The following TMEM178B variants were observed in gnomAD, a reference collection of about 807,000 sequenced individuals.
TMEM178B encodes the protein transmembrane protein 178B.
A neutral mutation model predicts 31.0 loss-of-function variants in TMEM178B; 5 were observed. The observed-to-expected ratio is 0.16, with a 90% CI of 0.08 to 0.34. The LOEUF is 0.34. Among genes scored for constraint, TMEM178B ranks in the 10% least tolerant of loss-of-function variants. TMEM178B has a pLI of 1.00. For missense variants in TMEM178B, 275 were observed against 400.3 expected (o/e 0.69, Z 2.67); for synonymous variants, 164 against 164.0 (o/e 1.00, Z 0.00).
At chr7:141,144,598 G>A (rs1795822653) in intron 1 of TMEM178B, among the ~76,000 whole-genome samples, 1 of 152,206 alleles carries the variant, frequency 6.6e-6, no homozygotes, top group Non-Finnish European at 1.5e-5. Flanking sequence ...GGAGGCCTGA[G>A]CACTGGGGGT....
the TMEM178B span, among the ~76,000 whole-genome samples, chr7:141,509,525 C>T: frequency 6.6e-6 from 1 of 152,142 alleles, no homozygotes; most frequent in Non-Finnish European, 1.5e-5. Flanking sequence ...TGGCGGGCGC[C>T]TGTAATCCCA....
chr7:141,145,730 T>C (rs1795840244), intron 1 of TMEM178B, among the ~76,000 whole-genome samples: 2 of 152,210 alleles, frequency 1.3e-5, no homozygotes. Flanking sequence ...TAGGCCCCCT[T>C]AATGCTGATG....
intron 2 of TMEM178B, among the ~76,000 whole-genome samples, chr7:141,383,633 GT>G (rs1800372022): frequency 1.3e-5 from 2 of 152,132 alleles, no homozygotes; most frequent in South Asian, 4.1e-4. Context: ...GGACATTTGG[GT>G]TGGTTCCAAG....
At chr7:141,215,339 T>TATTATTATTA (rs1554463528) in intron 2 of TMEM178B, among the ~76,000 whole-genome samples, 1 of 148,042 alleles carries the variant, frequency 6.8e-6, no homozygotes, top group East Asian at 2.0e-4. Context: ...TTATTATTAT[T>TATTATTATTA]TTTTGAGATG....
At chr7:141,488,303 A>G in the TMEM178B span, among the ~76,000 whole-genome samples, 1 of 152,244 alleles carries the variant, frequency 6.6e-6, no homozygotes, top group East Asian at 1.9e-4. Context: ...TAACTTTCAA[A>G]TGCTGAAGGA....
chr7:141,457,142 T>G (rs1406474235), intron 3 of TMEM178B, among the ~76,000 whole-genome samples: 1 of 152,096 alleles, frequency 6.6e-6, no homozygotes, highest in African/African-American at 2.4e-5. Flanking sequence ...AGAGGTTACT[T>G]CCCCTGGAGG....
At chr7:141,427,295 C>T (rs1324080458) in intron 2 of TMEM178B, among the ~76,000 whole-genome samples, 1 of 152,104 alleles carries the variant, frequency 6.6e-6, no homozygotes, top group African/African-American at 2.4e-5. Flanking sequence ...AGATGTCATA[C>T]TTCCTGAATT....
chr7:141,133,671 A>G (rs981751296), intron 1 of TMEM178B, among the ~76,000 whole-genome samples: 19 of 152,214 alleles, frequency 1.2e-4, no homozygotes, highest in African/African-American at 4.1e-4. Flanking sequence ...CCATTTAACA[A>G]AATAATAGCT....
chr7:141,287,677 T>A (rs1329113687), intron 2 of TMEM178B, among the ~76,000 whole-genome samples: 1 of 152,192 alleles, frequency 6.6e-6, no homozygotes, highest in African/African-American at 2.4e-5. Context: ...CCTTTTCAGG[T>A]CTCTGGCATC....
intron 2 of TMEM178B, among the ~76,000 whole-genome samples, chr7:141,327,825 G>T (rs909874228): frequency 5.9e-5 from 9 of 152,126 alleles, no homozygotes; most frequent in African/African-American, 2.2e-4. Flanking sequence ...TATTAAAGTT[G>T]CATTATAGTT....
chr7:141,150,066 G>C lies in TMEM178B; in HGVS notation c.383-62525G>C, dbSNP rs372351767. 7.2e-4 allele frequency among the ~76,000 whole-genome samples: 109 copies of C among 152,258 alleles called. 2 individuals carry two copies. The South Asian group carries it at 0.019, about 27-fold the overall frequency. On this transcript the variant is annotated intron_variant, in intron 1 of 3. Transcript: ENST00000565468. ...TGGCCTGAGCACTCGAGTGGCTGAG[G>C]AGTCTCTTTAGCGGGGTTGGAAAGA...
Position 141,171,061 on chromosome 7 carries a change from CACA to C in TMEM178B, c.383-41529_383-41527del, listed in dbSNP as rs1308618658. The stretch of plus-strand genomic sequence containing the variant: ...ACACACACACACACACACACACACA[CACA>C]CCCTAAATATAAATTAAAATAAATA... On this transcript the variant is annotated intron_variant, in intron 1 of 3. Transcript: ENST00000565468. The surrounding 1 kb of genome is among the most constrained non-coding windows in gnomAD (Gnocchi z 4.3). Among the ~76,000 whole-genome samples the C allele has an allele frequency of 2.3e-5, 2 of 88,330 alleles. No individual in the cohort carries two copies. The highest frequency in any genetic ancestry group is 8.8e-5 in the African/African-American group (2 of 22,662). The allele number at this position is 88,330 out of a possible 152,430, so 57.9% of individuals were successfully genotyped here.
At chr7:141,329,171 A>G (rs1415783278) in intron 2 of TMEM178B, among the ~76,000 whole-genome samples, 1 of 152,144 alleles carries the variant, frequency 6.6e-6, no homozygotes, top group African/African-American at 2.4e-5. Context: ...CCAGCGTCCA[A>G]CCTGAGATAT....
chr7:141,145,887 A>G (rs190723472), intron 1 of TMEM178B, among the ~76,000 whole-genome samples: 1 of 152,310 alleles, frequency 6.6e-6, no homozygotes, highest in Admixed American at 6.5e-5. Flanking sequence ...TGCTGGCCAA[A>G]CACTATACAT....
intron 2 of TMEM178B, among the ~76,000 whole-genome samples, chr7:141,250,937 G>A (rs1306416303): frequency 1.3e-5 from 2 of 152,102 alleles, no homozygotes; most frequent in African/African-American, 4.8e-5. Flanking sequence ...CAACAGAAGG[G>A]CATTTCTCAG....
chr7:141,438,035 G>A (rs557150775), intron 3 of TMEM178B, among the ~76,000 whole-genome samples: 9 of 152,270 alleles, frequency 5.9e-5, no homozygotes, highest in African/African-American at 2.2e-4. Context: ...GGGTGGTTAC[G>A]GCAGATGGAG....
the TMEM178B span, among the ~76,000 whole-genome samples, chr7:141,506,517 A>G: frequency 6.6e-6 from 1 of 152,190 alleles, no homozygotes; most frequent in Admixed American, 6.5e-5. Context: ...CTTATTCACT[A>G]TCATGAGAAT....
At chr7:141,406,889 G>T (rs1800895412) in intron 2 of TMEM178B, among the ~76,000 whole-genome samples, 1 of 152,166 alleles carries the variant, frequency 6.6e-6, no homozygotes, top group African/African-American at 2.4e-5. Flanking sequence ...GCATAAACTA[G>T]AGATAAAATA....
At chr7:141,274,004 C>T (rs1798227847) in intron 2 of TMEM178B, among the ~76,000 whole-genome samples, 1 of 152,228 alleles carries the variant, frequency 6.6e-6, no homozygotes, top group African/African-American at 2.4e-5. Flanking sequence ...CTGCCTCTGC[C>T]CCTCTACATT....
Sources: allele counts gnomAD v4.1 joint callset (sites outside exome capture counted in the v4.1 genomes callset), GRCh38; gene constraint gnomAD v4.1.1; non-coding constraint Gnocchi (gnomAD v3.1); transcripts MANE v1.5; gene names NCBI Gene and HGNC (gene_info 2026-07-23, HGNC 2026-07-21).